COL25A1: variants seen among roughly 807,000 people sequenced by gnomAD.
The protein encoded by COL25A1 is collagen alpha-1(XXV) chain.
In COL25A1, 103 loss-of-function variants were observed where a neutral mutation model predicts 128.4. That is an observed-to-expected ratio of 0.80 (90% CI 0.68 to 0.94). COL25A1 has a LOEUF of 0.94. COL25A1 is among the 40% of genes least tolerant of loss of function. COL25A1 has a pLI of 0.00. For synonymous variants in COL25A1, 279 were observed against 277.2 expected (o/e 1.01, Z -0.06); for missense variants, 745 against 840.0 (o/e 0.89, Z 1.40).
At chr4:109,067,943 C>T (rs1449816354) in intron 3 of COL25A1, among the ~76,000 whole-genome samples, 2 of 152,202 alleles carry the variant, frequency 1.3e-5, no homozygotes, top group Non-Finnish European at 2.9e-5. Flanking sequence ...GTAATCCATA[C>T]TGGGTATCAT....
At chr4:108,892,991 A>C (rs1741693354) in intron 16 of COL25A1, among the ~76,000 whole-genome samples, 1 of 152,228 alleles carries the variant, frequency 6.6e-6, no homozygotes, top group Non-Finnish European at 1.5e-5. Context: ...AAGGCCCGGC[A>C]CCAATTAGGG....
At chr4:109,014,955 G>A (rs1001445239) in intron 5 of COL25A1, among the ~76,000 whole-genome samples, 3 of 152,150 alleles carry the variant, frequency 2.0e-5, no homozygotes, top group Non-Finnish European at 2.9e-5. Context: ...TGTAACAATC[G>A]ACACCTAAAA....
intron 8 of COL25A1, 60 bp from the exon 9 acceptor site, chr4:108,941,497 C>T: frequency 6.8e-6 from 8 of 1,173,588 alleles, no homozygotes; most frequent in South Asian, 3.7e-5. Context: ...GAAGAATAGA[C>T]ATCAGAAGGC....
At chr4:108,845,093 G>T in intron 29 of COL25A1, 96 bp downstream of exon 29, 3 of 1,031,326 alleles carry the variant, frequency 2.9e-6, no homozygotes, top group South Asian at 1.3e-5. Flanking sequence ...TCTGTCTACT[G>T]TTGTGCAGCC....
At chr4:109,251,444 G>T (rs1372810679) in intron 3 of COL25A1, among the ~76,000 whole-genome samples, 1 of 152,176 alleles carries the variant, frequency 6.6e-6, no homozygotes, top group Non-Finnish European at 1.5e-5. Flanking sequence ...GGGCATGGTA[G>T]ACTAAGAGAC....
intron 3 of COL25A1, among the ~76,000 whole-genome samples, chr4:109,072,589 T>C (rs1408993727): frequency 6.6e-6 from 1 of 152,216 alleles, no homozygotes; most frequent in Non-Finnish European, 1.5e-5. Context: ...CCAAATCTGG[T>C]GGCTAACAGT....
intron 3 of COL25A1, among the ~76,000 whole-genome samples, chr4:109,093,458 A>AAAAAAACAAAC (rs1765110896): frequency 4.8e-5 from 5 of 104,204 alleles, no homozygotes; most frequent in African/African-American, 1.8e-4. Context: ...CATCTCTATG[A>AAAAAAACAAAC]AAAAAAAAAA....
At chr4:108,825,728 T>A (rs1381765938) in intron 33 of COL25A1, among the ~76,000 whole-genome samples, 1 of 152,214 alleles carries the variant, frequency 6.6e-6, no homozygotes, top group Non-Finnish European at 1.5e-5. Context: ...AACTTAGTAG[T>A]TAGCTCACAA....
intron 34 of COL25A1, 128 bp from the exon 35 acceptor site, chr4:108,824,355 G>A: frequency 1.5e-6 from 1 of 659,360 alleles, no homozygotes; most frequent in South Asian, 2.0e-5. Context: ...CCAGTGTTAA[G>A]ACTTAGATAA....
chr4:109,153,115 G>A (rs1771674203), intron 3 of COL25A1, among the ~76,000 whole-genome samples: 1 of 152,174 alleles, frequency 6.6e-6, no homozygotes, highest in East Asian at 1.9e-4. Flanking sequence ...GCCGGGCGCA[G>A]TGGCTCATGC....
At chr4:109,240,074 C>T (rs558100022) in intron 3 of COL25A1, among the ~76,000 whole-genome samples, 74 of 152,124 alleles carry the variant, frequency 4.9e-4, no homozygotes, top group African/African-American at 1.8e-3. Flanking sequence ...CTTCTGGATG[C>T]CTCCTGATGT....
intron 3 of COL25A1, among the ~76,000 whole-genome samples, chr4:109,064,224 T>C (rs1186535725): frequency 6.6e-6 from 1 of 152,216 alleles, no homozygotes; most frequent in East Asian, 1.9e-4. Flanking sequence ...TTGGAAACAG[T>C]TTCAGAATAT....
intron 8 of COL25A1, among the ~76,000 whole-genome samples, chr4:108,967,937 C>T (rs1226257690): frequency 1.3e-5 from 2 of 152,236 alleles, no homozygotes; most frequent in Non-Finnish European, 2.9e-5. Context: ...TCAATTATCT[C>T]TTTACGCCCG....
intron 36 of COL25A1, among the ~76,000 whole-genome samples, chr4:108,817,678 T>C (rs1731375327): frequency 6.6e-6 from 1 of 152,206 alleles, no homozygotes; most frequent in South Asian, 2.1e-4. Flanking sequence ...ATGTTATGCC[T>C]AATTTTGAAA....
intron 13 of COL25A1, among the ~76,000 whole-genome samples, chr4:108,914,527 A>G (rs1013338663): frequency 2.6e-5 from 4 of 152,178 alleles, no homozygotes; most frequent in African/African-American, 9.7e-5. Flanking sequence ...TCAGGGAGAC[A>G]GCCAGGGGAT....
At chr4:108,908,687 T>C (rs758755152) in intron 13 of COL25A1, among the ~76,000 whole-genome samples, 2 of 152,030 alleles carry the variant, frequency 1.3e-5, no homozygotes, top group Middle Eastern at 3.2e-3. Flanking sequence ...GGAATTGCAA[T>C]GGAGAAAGAG....
intron 3 of COL25A1, among the ~76,000 whole-genome samples, chr4:109,110,089 T>C (rs74801180): frequency 0.027 from 4,107 of 152,234 alleles, 207 homozygotes; most frequent in African/African-American, 0.093. Context: ...ATTCTTTGTG[T>C]TTCATTCTGT....
At chr4:108,833,867 G>A (rs920265275) in intron 31 of COL25A1, among the ~76,000 whole-genome samples, 1 of 152,198 alleles carries the variant, frequency 6.6e-6, no homozygotes, top group Non-Finnish European at 1.5e-5. Context: ...AATGACAGAA[G>A]ACAGACAAGT....
chr4:109,148,288 A>C (rs2126097175), intron 3 of COL25A1, among the ~76,000 whole-genome samples: 1 of 152,322 alleles, frequency 6.6e-6, no homozygotes, highest in Admixed American at 6.5e-5. Context: ...ATTGACATAA[A>C]ATGAGATTTA....
Sources: allele counts gnomAD v4.1 joint callset (sites outside exome capture counted in the v4.1 genomes callset), GRCh38; gene constraint gnomAD v4.1.1; transcripts MANE v1.5; gene names NCBI Gene and HGNC (gene_info 2026-07-23, HGNC 2026-07-21).